GSTCD: variants seen among roughly 807,000 people sequenced by gnomAD.
GSTCD encodes glutathione S-transferase C-terminal domain-containing protein.
Under a neutral mutation model 68.3 loss-of-function variants are expected in GSTCD, and 44 were observed. The ratio of observed to expected loss-of-function variants is 0.64; its 90% CI spans 0.51 to 0.83. GSTCD has a LOEUF of 0.83. Ranked by LOEUF, GSTCD falls within the 40% of genes least tolerant of loss-of-function variation. The probability of loss-of-function intolerance (pLI) is 0.00; values close to 1 mark genes in which losing one functional copy is unlikely to be tolerated. For missense variants in GSTCD, 739 were observed against 735.9 expected (o/e 1.00, Z -0.05); for synonymous variants, 273 against 255.2 (o/e 1.07, Z -0.67).
chr4:105,772,041 T>C (rs1734870906), intron 5 of GSTCD, among the ~76,000 whole-genome samples: 1 of 152,238 alleles, frequency 6.6e-6, no homozygotes, highest in African/African-American at 2.4e-5. Flanking sequence ...TCCTCTCTGA[T>C]ATCCTTGAGC....
At chr4:105,794,940 G>C (rs1196487085) in intron 5 of GSTCD, among the ~76,000 whole-genome samples, 2 of 151,284 alleles carry the variant, frequency 1.3e-5, no homozygotes, top group African/African-American at 4.9e-5. Flanking sequence ...GCAGTGGCGG[G>C]CTCAGCTCAC....
chr4:105,769,444 G>A (rs1734754461), intron 5 of GSTCD, among the ~76,000 whole-genome samples: 1 of 152,160 alleles, frequency 6.6e-6, no homozygotes, highest in Non-Finnish European at 1.5e-5. Context: ...GCTGGAAGAT[G>A]TGGTTTATGA....
chr4:105,770,301 G>A lies in GSTCD; in HGVS notation c.1240+40802G>A, dbSNP rs185304464. ...GCGTCTTCTATTTTAGCATTTCCCC[G>A]CGTAGCACCTTTCTGAGAATTACTT... On this transcript the variant is annotated intron_variant, in intron 5 of 11. Transcript: ENST00000515279. Among the ~76,000 whole-genome samples the A allele has an allele frequency of 1.4e-3, 210 of 151,094 alleles. 2 individuals are homozygous for A. The highest frequency in any genetic ancestry group is 3.8e-3 in the South Asian group (18 of 4,778).
At chr4:105,800,554 G>A (rs952974355) in intron 5 of GSTCD, among the ~76,000 whole-genome samples, 6 of 152,112 alleles carry the variant, frequency 3.9e-5, no homozygotes, top group Admixed American at 3.9e-4. Context: ...TGAAAAATAT[G>A]TTTAAGCCTA....
rs143981549 is a variant in GSTCD, at chr4:105,759,116, T to C, written c.1240+29617T>C. Among the ~76,000 whole-genome samples, 1,302 of 152,308 alleles carry C rather than the reference T, an allele frequency of 8.5e-3. 17 individuals carry two copies. The highest frequency in any genetic ancestry group is 0.029 in the African/African-American group (1,205 of 41,574). ...CAGGTTTTGTGTTTTAGTTCCACTT[T>C]GTATACAACTGTAGCAGAAGTAGGC... On this transcript the variant is annotated intron_variant, in intron 5 of 11. Coordinates refer to ENST00000515279, the MANE Select transcript of GSTCD (RefSeq NM_001370181.1).
At chr4:105,816,741 A>G (rs543686048) in intron 5 of GSTCD, among the ~76,000 whole-genome samples, 7 of 152,194 alleles carry the variant, frequency 4.6e-5, no homozygotes, top group African/African-American at 1.4e-4. Context: ...AATTAAAAGC[A>G]TCTGTTTAAG....
intron 5 of GSTCD, among the ~76,000 whole-genome samples, chr4:105,787,316 G>A (rs1735501966): frequency 6.6e-6 from 1 of 152,086 alleles, no homozygotes; most frequent in Non-Finnish European, 1.5e-5. Context: ...GCAGTCTCCA[G>A]ATGATGCCAG....
chr4:105,785,934 G>C (rs1358320215), intron 5 of GSTCD, among the ~76,000 whole-genome samples: 2 of 151,994 alleles, frequency 1.3e-5, no homozygotes, highest in African/African-American at 4.8e-5. Flanking sequence ...ATACAAGTTA[G>C]TTGAACTTGC....
At chr4:105,793,115 C>T (rs1240546393) in intron 5 of GSTCD, among the ~76,000 whole-genome samples, 2 of 151,966 alleles carry the variant, frequency 1.3e-5, no homozygotes, top group Non-Finnish European at 2.9e-5. Flanking sequence ...AATTGCATTA[C>T]ATTTGACCAT....
At chr4:105,733,164 G>C (rs1733316510) in intron 5 of GSTCD, among the ~76,000 whole-genome samples, 1 of 152,200 alleles carries the variant, frequency 6.6e-6, no homozygotes, top group African/African-American at 2.4e-5. Context: ...TGTATATTCT[G>C]TTGATTTGGG....
chr4:105,717,918 G>A lies in GSTCD; in HGVS notation c.305G>A (p.Arg102Lys). The A allele has an allele frequency of 2.5e-6, 4 of 1,614,094 alleles. No homozygotes were observed. The South Asian group carries it at 4.4e-5, about 18-fold the overall frequency. ...AVVERSDNFC[R>K]AGLAVVLRHI... ...GTAGAACGATCAGACAATTTTTGTAGAGCAGGACTTGCTGTTGTATTGAGA... is the reference window on the plus strand; with the variant it reads ...GTAGAACGATCAGACAATTTTTGTAAAGCAGGACTTGCTGTTGTATTGAGA... The change falls in exon 2 of 12, where the codon AGA becomes AAA. Residue 102 changes from arginine (R) to lysine (K), a missense_variant. Coordinates refer to ENST00000515279, the MANE Select transcript of GSTCD (RefSeq NM_001370181.1).
intron 5 of GSTCD, among the ~76,000 whole-genome samples, chr4:105,776,145 G>A (rs1376016764): frequency 4.6e-5 from 7 of 152,284 alleles, no homozygotes; most frequent in South Asian, 4.1e-4. Flanking sequence ...TTTATACTGC[G>A]AGGGGAAAAC....
intron 5 of GSTCD, among the ~76,000 whole-genome samples, chr4:105,748,726 C>T (rs1277197212): frequency 2.6e-5 from 4 of 151,778 alleles, no homozygotes; most frequent in Non-Finnish European, 5.9e-5. Flanking sequence ...ATATATATTA[C>T]ATACGATATG....
chr4:105,730,585 G>A (rs995817796), intron 5 of GSTCD, among the ~76,000 whole-genome samples: 12 of 152,042 alleles, frequency 7.9e-5, no homozygotes, highest in African/African-American at 2.7e-4. Flanking sequence ...TTTTTGATGG[G>A]CTTGTTTGTT....
intron 5 of GSTCD, among the ~76,000 whole-genome samples, chr4:105,818,411 A>G (rs1408077512): frequency 6.6e-6 from 1 of 151,876 alleles, no homozygotes. Flanking sequence ...CAAATTATAT[A>G]AAGGAACTAA....
intron 5 of GSTCD, among the ~76,000 whole-genome samples, chr4:105,789,973 G>A (rs1288288326): frequency 6.6e-6 from 1 of 151,460 alleles, no homozygotes; most frequent in Non-Finnish European, 1.5e-5. Flanking sequence ...CTTACTTTTT[G>A]AGAGGATAAA....
chr4:105,729,618 G>A, intron 5 of GSTCD, 119 bp downstream of exon 5: 1 of 486,322 alleles, frequency 2.1e-6, no homozygotes, highest in Non-Finnish European at 3.5e-6. Context: ...ACTATCAGTT[G>A]AGTTTTCATT....
intron 5 of GSTCD, among the ~76,000 whole-genome samples, chr4:105,747,932 T>G (rs1227463685): frequency 6.6e-6 from 1 of 152,080 alleles, no homozygotes; most frequent in African/African-American, 2.4e-5. Context: ...ATTTTAAGGC[T>G]ATTACATTTT....
chr4:105,738,650 A>T (rs560574779), intron 5 of GSTCD, among the ~76,000 whole-genome samples: 1 of 151,592 alleles, frequency 6.6e-6, no homozygotes, highest in African/African-American at 2.4e-5. Context: ...TTGTTCCTGT[A>T]TATTGATGCT....
Sources: gnomAD v4.1 joint callset for allele counts (sites outside exome capture counted in the v4.1 genomes callset) on GRCh38, gnomAD v4.1.1 for gene constraint, MANE v1.5 for transcripts, NCBI Gene and HGNC (gene_info 2026-07-23, HGNC 2026-07-21) for gene names.